Variants in GRM5 observed in about 807,000 individuals in gnomAD.
GRM5 encodes the protein metabotropic glutamate receptor 5.
In GRM5, 19 loss-of-function variants were observed where a neutral mutation model predicts 83.1. That is an observed-to-expected ratio of 0.23 (90% CI 0.16 to 0.34). The LOEUF (loss-of-function observed/expected upper bound fraction) is 0.34. Ranked by LOEUF, GRM5 falls within the 10% of genes least tolerant of loss-of-function variation. The pLI, the probability that GRM5 is intolerant of heterozygous loss-of-function variation, is 1.00. For synonymous variants in GRM5, 675 were observed against 633.6 expected, an observed-to-expected ratio of 1.07 and a Z score of -0.98; for missense variants, 1,160 against 1,588.3, an observed-to-expected ratio of 0.73 and a Z score of 4.58.
At chr11:88,859,781 T>A (rs181429903) in intron 2 of GRM5, among the ~76,000 whole-genome samples, 2 of 152,190 alleles carry the variant, frequency 1.3e-5, no homozygotes, top group Admixed American at 6.6e-5. Context: ...TACTACTGAA[T>A]TGAATTTGTC....
chr11:88,649,353 CATAAT>C (rs1420613228), intron 4 of GRM5, among the ~76,000 whole-genome samples: 6 of 137,152 alleles, frequency 4.4e-5, no homozygotes, highest in Non-Finnish European at 9.2e-5. Context: ...ATTACATATA[CATAAT>C]ATATTAAATA....
intron 3 of GRM5, among the ~76,000 whole-genome samples, chr11:88,684,925 T>C (rs1239606985): frequency 6.6e-6 from 1 of 152,176 alleles, no homozygotes; most frequent in African/African-American, 2.4e-5. Flanking sequence ...CTTCCCAGTT[T>C]CGGGTATGTC....
intron 2 of GRM5, among the ~76,000 whole-genome samples, chr11:88,988,664 G>A (rs887762889): frequency 7.3e-5 from 11 of 151,386 alleles, no homozygotes; most frequent in Non-Finnish European, 1.3e-4. Context: ...CGGATCTCTC[G>A]GCAGAAACCC....
In GRM5 at chr11:88,826,447, T is replaced by C. The variant is rs1167742574; in HGVS notation, c.911+23459A>G. ...ACACACATGTATGTACAAATAATTA[T>C]ATATATAATTATTTTATTTATTTAT... On this transcript the variant is annotated intron_variant, in intron 3 of 9. Coordinates refer to ENST00000305447, the MANE Select transcript of GRM5 (RefSeq NM_001143831.3). 2.6e-5 allele frequency among the ~76,000 whole-genome samples: 4 copies of C among 151,296 alleles called. No individual in the cohort carries two copies. The East Asian group carries it at 5.8e-4, about 22-fold the overall frequency.
chr11:88,602,477 T>A (rs1591375078), intron 5 of GRM5, among the ~76,000 whole-genome samples: 1 of 152,204 alleles, frequency 6.6e-6, no homozygotes, highest in East Asian at 1.9e-4. Context: ...GATCCTCCAC[T>A]TTTAACTCTG....
intron 3 of GRM5, among the ~76,000 whole-genome samples, chr11:88,826,602 G>A (rs977398787): frequency 6.6e-6 from 1 of 151,998 alleles, no homozygotes; most frequent in South Asian, 2.1e-4. Flanking sequence ...TGGACATATT[G>A]TCACTGGTGA....
chr11:88,794,669 G>C (rs1391331744), intron 3 of GRM5, among the ~76,000 whole-genome samples: 2 of 152,118 alleles, frequency 1.3e-5, no homozygotes, highest in Admixed American at 1.3e-4. Flanking sequence ...TGAAAATAAA[G>C]TATATGTATT....
chr11:88,742,762 G>A (rs927552397), intron 3 of GRM5, among the ~76,000 whole-genome samples: 5 of 152,080 alleles, frequency 3.3e-5, no homozygotes, highest in Admixed American at 3.3e-4. Context: ...TTGAGAATCT[G>A]TGGGTGTAAG....
intron 3 of GRM5, among the ~76,000 whole-genome samples, chr11:88,698,798 G>C (rs1037889477): frequency 4.6e-5 from 7 of 152,196 alleles, no homozygotes; most frequent in African/African-American, 1.7e-4. Context: ...TCCTGGTACA[G>C]AGAAGACATC....
At chr11:88,667,365 C>T (rs1276210389) in intron 3 of GRM5, among the ~76,000 whole-genome samples, 1 of 151,974 alleles carries the variant, frequency 6.6e-6, no homozygotes, top group African/African-American at 2.4e-5. Flanking sequence ...ACCAAATGTG[C>T]AACCAGCATG....
intron 9 of GRM5, among the ~76,000 whole-genome samples, chr11:88,520,140 C>G (rs1463251000): frequency 1.3e-5 from 2 of 152,056 alleles, no homozygotes; most frequent in Non-Finnish European, 1.5e-5. Context: ...TTTATATGTT[C>G]TTGGGAGAAC....
intron 2 of GRM5, among the ~76,000 whole-genome samples, chr11:88,937,623 C>T (rs551445700): frequency 1.3e-5 from 2 of 151,820 alleles, no homozygotes; most frequent in Non-Finnish European, 3.0e-5. Flanking sequence ...CAAACAAATT[C>T]TGTAACACAA....
At chr11:89,005,837 T>A (rs1021730020) in intron 2 of GRM5, among the ~76,000 whole-genome samples, 3 of 152,186 alleles carry the variant, frequency 2.0e-5, no homozygotes, top group African/African-American at 7.2e-5. Flanking sequence ...TAAATTTTGT[T>A]GCTCACCTAC....
chr11:88,700,951 G>A (rs999679908), intron 3 of GRM5, among the ~76,000 whole-genome samples: 1 of 152,144 alleles, frequency 6.6e-6, no homozygotes, highest in Non-Finnish European at 1.5e-5. Flanking sequence ...ATACGTTTGT[G>A]CAGCAATAAG....
chr11:89,050,191 A>C (rs558545582), intron 1 of GRM5, among the ~76,000 whole-genome samples: 5 of 152,322 alleles, frequency 3.3e-5, no homozygotes, highest in African/African-American at 1.2e-4. Flanking sequence ...AGGTATGCGA[A>C]GTTTGTTACT....
At chr11:88,973,786 A>G (rs1939240159) in intron 2 of GRM5, among the ~76,000 whole-genome samples, 4 of 152,124 alleles carry the variant, frequency 2.6e-5, no homozygotes, top group African/African-American at 9.7e-5. Context: ...ACTTACTCTT[A>G]ACATTTTTGA....
At chr11:88,789,959 G>T (rs1302565004) in intron 3 of GRM5, among the ~76,000 whole-genome samples, 1 of 152,062 alleles carries the variant, frequency 6.6e-6, no homozygotes, top group Non-Finnish European at 1.5e-5. Flanking sequence ...GGTTCAAGCA[G>T]TTTTCCTGCC....
At chr11:88,726,727 G>A (rs1280584593) in intron 3 of GRM5, among the ~76,000 whole-genome samples, 17 of 152,124 alleles carry the variant, frequency 1.1e-4, no homozygotes, top group Admixed American at 6.6e-5. Context: ...GATCATGGGG[G>A]CCAATATTCA....
At chr11:88,735,554 C>T (rs1941894914) in intron 3 of GRM5, among the ~76,000 whole-genome samples, 1 of 152,012 alleles carries the variant, frequency 6.6e-6, no homozygotes, top group Admixed American at 6.6e-5. Context: ...GGCTTCCTTC[C>T]CACTGACTGG....
Sources: gnomAD v4.1 joint callset for allele counts (sites outside exome capture counted in the v4.1 genomes callset) on GRCh38, gnomAD v4.1.1 for gene constraint, MANE v1.5 for transcripts, NCBI Gene and HGNC (gene_info 2026-07-23, HGNC 2026-07-21) for gene names.